The following GRID1 variants were observed in gnomAD, a reference collection of about 807,000 sequenced individuals.
GRID1 encodes glutamate receptor ionotropic, delta-1.
A neutral mutation model predicts 98.0 loss-of-function variants in GRID1; 28 were observed. The observed-to-expected ratio is 0.29, with a 90% confidence interval of 0.21 to 0.39. The LOEUF (loss-of-function observed/expected upper bound fraction) is 0.39, where lower values mean the gene tolerates loss of function less well. GRID1 is among the 10% of genes least tolerant of loss of function. The probability of loss-of-function intolerance (pLI) is 1.00; values close to 1 mark genes in which losing one functional copy is unlikely to be tolerated. For synonymous variants in GRID1, 553 were observed against 538.5 expected (o/e 1.03, Z -0.37); for missense variants, 1,111 against 1,340.5 (o/e 0.83, Z 2.67).
chr10:85,937,559 T>C (rs1156699965), intron 4 of GRID1, among the ~76,000 whole-genome samples: 1 of 152,226 alleles, frequency 6.6e-6, no homozygotes, highest in East Asian at 1.9e-4. Flanking sequence ...TATATTATCA[T>C]AGCCCATTGC....
chr10:86,071,978 G>C (rs1249861969), intron 4 of GRID1, among the ~76,000 whole-genome samples: 1 of 152,190 alleles, frequency 6.6e-6, no homozygotes, highest in Non-Finnish European at 1.5e-5. Flanking sequence ...CAGATGCCAA[G>C]AGAGGGGAGA....
chr10:85,649,170 T>C (rs971851627), intron 12 of GRID1, among the ~76,000 whole-genome samples: 4 of 152,088 alleles, frequency 2.6e-5, no homozygotes, highest in Non-Finnish European at 5.9e-5. Context: ...CATTTTTGCA[T>C]CCACTGCCCT....
chr10:86,068,705 C>T lies in GRID1; in HGVS notation c.726+70114G>A, dbSNP rs371656307. Among the ~76,000 whole-genome samples the T allele has an allele frequency of 3.7e-3, 564 of 152,300 alleles. 3 individuals carry two copies. The highest frequency in any genetic ancestry group is 0.012 in the African/African-American group (516 of 41,560). On this transcript the variant is annotated intron_variant, in intron 4 of 15. Transcript: ENST00000327946. The stretch of plus-strand genomic sequence containing the variant: ...GAATTAAAATGTGCTCTGTGATGAG[C>T]GTCTAGGGAGGCAACTTGCTCAGAT...
chr10:85,885,432 A>G (rs1311641176), intron 5 of GRID1, among the ~76,000 whole-genome samples: 1 of 152,234 alleles, frequency 6.6e-6, no homozygotes, highest in Non-Finnish European at 1.5e-5. Flanking sequence ...GAGAAAGCCC[A>G]TAGACTATAT....
intron 2 of GRID1, among the ~76,000 whole-genome samples, chr10:86,244,534 T>C (rs1237946210): frequency 1.3e-5 from 2 of 152,258 alleles, no homozygotes; most frequent in Non-Finnish European, 2.9e-5. Context: ...CGCACCATTA[T>C]GCTAAGCAGC....
chr10:86,152,838 C>T (rs1398879734), intron 3 of GRID1, among the ~76,000 whole-genome samples: 2 of 152,218 alleles, frequency 1.3e-5, no homozygotes, highest in Admixed American at 6.5e-5. Flanking sequence ...CCCGCCTGTG[C>T]CTTGCCAGCC....
At chr10:86,184,461 C>CTTTTTTTTTTT (rs1198471392) in intron 3 of GRID1, among the ~76,000 whole-genome samples, 80 of 123,022 alleles carry the variant, frequency 6.5e-4, no homozygotes, top group Admixed American at 1.4e-3. Flanking sequence ...TTTCTTTTTT[C>CTTTTTTTTTTT]TTTTTTTTTT....
chr10:85,768,873 C>G (rs376007130), intron 8 of GRID1, among the ~76,000 whole-genome samples: 4 of 152,150 alleles, frequency 2.6e-5, no homozygotes, highest in African/African-American at 7.2e-5. Context: ...TCCTTGTAAC[C>G]AGTAATTATA....
intron 4 of GRID1, among the ~76,000 whole-genome samples, chr10:85,927,353 G>A (rs991099710): frequency 6.6e-6 from 1 of 152,212 alleles, no homozygotes; most frequent in African/African-American, 2.4e-5. Flanking sequence ...GGGAGGATCA[G>A]TGGCATGAGG....
chr10:86,364,977 G>T (rs1345405490), intron 1 of GRID1, among the ~76,000 whole-genome samples: 1 of 152,166 alleles, frequency 6.6e-6, no homozygotes, highest in Non-Finnish European at 1.5e-5. Flanking sequence ...CTGCAACCTG[G>T]ACAGCTCTGG....
chr10:86,112,387 A>C (rs1489063424), intron 4 of GRID1, among the ~76,000 whole-genome samples: 1 of 152,232 alleles, frequency 6.6e-6, no homozygotes, highest in East Asian at 1.9e-4. Context: ...ATGTCACGTC[A>C]AGAATCTCCA....
In GRID1 at chr10:85,650,830, A is replaced by C. The variant is rs114347624; in HGVS notation, c.1998-3433T>G. On this transcript the variant is annotated intron_variant, in intron 12 of 15. Coordinates refer to ENST00000327946, the MANE Select transcript of GRID1 (RefSeq NM_017551.3). ...TGAAAACACATGGCTTATTCTGGACACATACCAGGGAGCAATTCACATCAG... is the reference window on the plus strand; with the variant it reads ...TGAAAACACATGGCTTATTCTGGACCCATACCAGGGAGCAATTCACATCAG... 4.5e-3 allele frequency among the ~76,000 whole-genome samples: 680 copies of C among 152,330 alleles called. 6 individuals carry two copies. The highest frequency in any genetic ancestry group is 0.016 in the African/African-American group (653 of 41,564).
At chr10:85,863,026 G>A (rs908013531) in intron 6 of GRID1, among the ~76,000 whole-genome samples, 4 of 152,294 alleles carry the variant, frequency 2.6e-5, no homozygotes, top group African/African-American at 9.6e-5. Context: ...CAATGCAAAT[G>A]CCCCACCCAA....
chr10:85,927,529 G>A (rs1841791557), intron 4 of GRID1, among the ~76,000 whole-genome samples: 1 of 141,564 alleles, frequency 7.1e-6, no homozygotes, highest in African/African-American at 2.7e-5. Context: ...AAAAAAATCT[G>A]TGGGAAAGTT....
chr10:86,203,642 A>C (rs1017956359), intron 3 of GRID1, among the ~76,000 whole-genome samples: 1 of 151,670 alleles, frequency 6.6e-6, no homozygotes, highest in African/African-American at 2.4e-5. Flanking sequence ...CACAGAATCC[A>C]ATAAAAGAGT....
intron 4 of GRID1, among the ~76,000 whole-genome samples, chr10:86,129,327 C>T (rs916541292): frequency 2.0e-5 from 3 of 152,226 alleles, no homozygotes; most frequent in African/African-American, 7.2e-5. Flanking sequence ...AAAATGGGCT[C>T]TCCCTTGATC....
At chr10:86,024,952 A>G (rs187408374) in intron 4 of GRID1, among the ~76,000 whole-genome samples, 10 of 152,384 alleles carry the variant, frequency 6.6e-5, no homozygotes, top group Admixed American at 5.9e-4. Flanking sequence ...TCTTTATACC[A>G]GGCTAATTCC....
At chr10:85,905,443 A>G (rs917060930) in intron 5 of GRID1, among the ~76,000 whole-genome samples, 1 of 152,096 alleles carries the variant, frequency 6.6e-6, no homozygotes, top group African/African-American at 2.4e-5. Context: ...CACCAAAAAT[A>G]TAAATAGCAC....
chr10:86,269,279 G>A (rs919926272), intron 2 of GRID1, among the ~76,000 whole-genome samples: 1 of 152,214 alleles, frequency 6.6e-6, no homozygotes, highest in Non-Finnish European at 1.5e-5. Flanking sequence ...GAAATGGCCT[G>A]AGTCCCAAGC....
Sources: allele counts gnomAD v4.1 joint callset (sites outside exome capture counted in the v4.1 genomes callset), GRCh38; gene constraint gnomAD v4.1.1; transcripts MANE v1.5; gene names NCBI Gene and HGNC (gene_info 2026-07-23, HGNC 2026-07-21).